Variants in FANK1 observed in about 807,000 individuals in gnomAD.
FANK1 encodes the protein fibronectin type 3 and ankyrin repeat domains protein 1.
A neutral mutation model predicts 45.3 loss-of-function variants in FANK1; 44 were observed. That is an observed-to-expected ratio of 0.97 (90% confidence interval 0.76 to 1.25). The LOEUF is 1.25. Ranked by LOEUF, FANK1 falls within the 50% of genes most tolerant of loss-of-function variation. FANK1 has a pLI of 0.00. For missense variants in FANK1, 391 were observed against 424.4 expected, an observed-to-expected ratio of 0.92 and a Z score of 0.69; for synonymous variants, 149 against 152.5, an observed-to-expected ratio of 0.98 and a Z score of 0.17.
chr10:125,949,868 C>T (rs1949079617), intron 1 of FANK1, among the ~76,000 whole-genome samples: 1 of 146,732 alleles, frequency 6.8e-6, no homozygotes, highest in African/African-American at 2.5e-5. Context: ...TCAAACTATA[C>T]TACAAGGCTA....
intron 2 of FANK1, among the ~76,000 whole-genome samples, chr10:125,987,412 C>A (rs7076607): frequency 0.66 from 97,497 of 147,776 alleles, 31,839 homozygotes; most frequent in Non-Finnish European, 0.68. Context: ...CAGGAAAAAA[C>A]AAAAGGAGGA....
intron 1 of FANK1, among the ~76,000 whole-genome samples, chr10:125,958,283 T>C (rs1949707381): frequency 6.6e-6 from 1 of 152,194 alleles, no homozygotes; most frequent in Non-Finnish European, 1.5e-5. Flanking sequence ...AGCTTCTGTA[T>C]TAGTCTGTTT....
chr10:125,942,813 C>CTTTT (rs772933009), intron 1 of FANK1, among the ~76,000 whole-genome samples: 2 of 126,864 alleles, frequency 1.6e-5, no homozygotes, highest in African/African-American at 2.9e-5. Context: ...TTATAATTTG[C>CTTTT]TTTTTTTTTT....
At chr10:125,995,016 T>G in intron 3 of FANK1, 1 of 877,742 alleles carries the variant, frequency 1.1e-6, no homozygotes, top group Non-Finnish European at 1.3e-6. Flanking sequence ...TTAAAGCACT[T>G]TGTCTTTTTT....
chr10:126,002,235 C>T (rs1952817875), intron 6 of FANK1, among the ~76,000 whole-genome samples: 1 of 151,974 alleles, frequency 6.6e-6, no homozygotes, highest in African/African-American at 2.4e-5. Context: ...TCACTAGAAC[C>T]CAGGAGGCGG....
chr10:125,952,104 C>T (rs1466539660), intron 1 of FANK1, among the ~76,000 whole-genome samples: 2 of 152,066 alleles, frequency 1.3e-5, no homozygotes, highest in African/African-American at 2.4e-5. Flanking sequence ...CAGGCAGCCT[C>T]ATCCCAAGTT....
chr10:125,914,659 C>G (rs1039532689), intron 1 of FANK1, among the ~76,000 whole-genome samples: 1 of 152,200 alleles, frequency 6.6e-6, no homozygotes, highest in South Asian at 2.1e-4. Context: ...ACCAAGGACA[C>G]TTTTAATATC....
intron 1 of FANK1, among the ~76,000 whole-genome samples, chr10:125,897,998 CAAAAAAAAAAAAAAAAAAAAA>C (rs373550249): frequency 0.015 from 245 of 16,808 alleles, 3 homozygotes; most frequent in Middle Eastern, 0.036. Flanking sequence ...TACTAAAATA[CAAAAAAAAAAAAAAAAAAAAA>C]AAAAAAAAAA....
intron 1 of FANK1, among the ~76,000 whole-genome samples, chr10:125,898,258 G>C (rs1481136699): frequency 2.0e-5 from 3 of 152,156 alleles, no homozygotes; most frequent in African/African-American, 7.2e-5. Flanking sequence ...ATAATTTCAA[G>C]TTCTTCAGTG....
chr10:125,962,552 T>C (rs1251758262), intron 1 of FANK1, among the ~76,000 whole-genome samples: 1 of 152,208 alleles, frequency 6.6e-6, no homozygotes, highest in East Asian at 1.9e-4. Flanking sequence ...TTAAAATTGC[T>C]ATTTCTTTTC....
intron 1 of FANK1, among the ~76,000 whole-genome samples, chr10:125,950,722 A>G (rs1489284809): frequency 6.6e-6 from 1 of 151,710 alleles, no homozygotes; most frequent in East Asian, 1.9e-4. Flanking sequence ...ATACCATTTG[A>G]CCCAGCCATC....
In FANK1 at chr10:125,898,019, A is replaced by AAAAAAG. The variant is rs1944713553; in HGVS notation, c.13+1369_13+1370insGAAAAA. ...AATACAAAAAAAAAAAAAAAAAAAA[A>AAAAAAG]AAAAAAAAAAAAAAAGCCAGGTGTG... is the stretch of plus-strand genomic sequence containing the variant. On this transcript the variant is annotated intron_variant, in intron 1 of 10. Transcript: ENST00000368693. Among the ~76,000 whole-genome samples, 2 of 83,436 alleles carry AAAAAAG rather than the reference A, an allele frequency of 2.4e-5. 1 individual carries two copies. Among genetic ancestry groups the AAAAAAG allele is most frequent in the African/African-American group, 7.9e-5 (2 of 25,228 alleles). 54.7% of individuals were successfully genotyped at this position (83,436 alleles called of 152,430 possible).
chr10:125,964,215 TG>T (rs1489701489), intron 1 of FANK1, among the ~76,000 whole-genome samples: 2 of 133,212 alleles, frequency 1.5e-5, no homozygotes, highest in African/African-American at 5.9e-5. Context: ...TTTTTTGAGA[TG>T]GAGTCATGCT....
At chr10:125,898,032 A>AGC (rs1944718217) in intron 1 of FANK1, among the ~76,000 whole-genome samples, 1 of 138,782 alleles carries the variant, frequency 7.2e-6, no homozygotes, top group African/African-American at 2.7e-5. Context: ...AAAAAAAAAA[A>AGC]AAGCCAGGTG....
chr10:126,002,055 G>C (rs564580782), intron 6 of FANK1, among the ~76,000 whole-genome samples: 2 of 152,034 alleles, frequency 1.3e-5, no homozygotes, highest in Admixed American at 1.3e-4. Context: ...GCTCACGCCT[G>C]TAATCCCAGC....
At chr10:125,975,638 T>C (rs58424832) in intron 1 of FANK1, among the ~76,000 whole-genome samples, 1 of 152,254 alleles carries the variant, frequency 6.6e-6, no homozygotes, top group East Asian at 1.9e-4. Flanking sequence ...CAATTTTTAA[T>C]GGGGTTGTTT....
chr10:125,989,072 C>T (rs753513139), intron 3 of FANK1, among the ~76,000 whole-genome samples: 1 of 152,170 alleles, frequency 6.6e-6, no homozygotes, highest in African/African-American at 2.4e-5. Context: ...TTTAGACAAC[C>T]CCAGGGTGTG....
intron 1 of FANK1, among the ~76,000 whole-genome samples, chr10:125,919,380 A>T (rs1946770755): frequency 1.3e-5 from 2 of 151,268 alleles, no homozygotes. Context: ...TGATTTTTGT[A>T]TTTTTAGTAG....
chr10:125,897,810 G>T (rs939059410), intron 1 of FANK1, among the ~76,000 whole-genome samples: 1 of 151,904 alleles, frequency 6.6e-6, no homozygotes, highest in Non-Finnish European at 1.5e-5. Flanking sequence ...CAAACTGATG[G>T]CAGGCTGTGT....
Sources: allele counts gnomAD v4.1 joint callset (sites outside exome capture counted in the v4.1 genomes callset), GRCh38; gene constraint gnomAD v4.1.1; transcripts MANE v1.5; gene names NCBI Gene and HGNC (gene_info 2026-07-23, HGNC 2026-07-21).